The following EHMT1 variants were observed in gnomAD, a reference collection of about 807,000 sequenced individuals.
The protein encoded by EHMT1 is histone-lysine N-methyltransferase EHMT1.
EHMT1 carries 15 observed loss-of-function variants against 147.2 expected under a neutral mutation model. The ratio of observed to expected loss-of-function variants is 0.10; its 90% CI spans 0.07 to 0.16. EHMT1 has a LOEUF of 0.16. Among genes scored for constraint, EHMT1 ranks in the 10% least tolerant of loss-of-function variants. EHMT1 has a pLI of 1.00. For synonymous variants in EHMT1, 795 were observed against 709.6 expected, an observed-to-expected ratio of 1.12 and a Z score of -1.91; for missense variants, 1,587 against 1,772.4, an observed-to-expected ratio of 0.90 and a Z score of 1.88.
intron 1 of EHMT1, among the ~76,000 whole-genome samples, chr9:137,662,875 C>T (rs1006202744): frequency 1.6e-4 from 24 of 151,794 alleles, no homozygotes; most frequent in African/African-American, 5.3e-4. Flanking sequence ...CTCACTGCAG[C>T]CTCTGCCTCC....
chr9:137,671,045 C>T (rs1352748606), intron 1 of EHMT1, among the ~76,000 whole-genome samples: 1 of 152,172 alleles, frequency 6.6e-6, no homozygotes, highest in African/African-American at 2.4e-5. Context: ...AGAGGGCTGT[C>T]CCGGGCCGTG....
intron 2 of EHMT1, among the ~76,000 whole-genome samples, chr9:137,712,569 G>A (rs772231417): frequency 1.3e-5 from 2 of 152,166 alleles, no homozygotes. Context: ...GTGCTTACTG[G>A]CCATCTTTAG....
At chr9:137,745,411 A>G in intron 6 of EHMT1, 1 of 397,836 alleles carries the variant, frequency 2.5e-6, no homozygotes, top group Non-Finnish European at 4.4e-6. Context: ...TAGATATTTA[A>G]AGAGGATTTA....
chr9:137,773,058 G>A (rs1950695380), intron 10 of EHMT1, among the ~76,000 whole-genome samples: 1 of 152,146 alleles, frequency 6.6e-6, no homozygotes, highest in Non-Finnish European at 1.5e-5. Flanking sequence ...TAAAAATAAT[G>A]CATGCCGATT....
intron 1 of EHMT1, among the ~76,000 whole-genome samples, chr9:137,689,545 A>G (rs1942755523): frequency 6.6e-6 from 1 of 152,112 alleles, no homozygotes; most frequent in South Asian, 2.1e-4. Context: ...TCTACTAAAA[A>G]TACAAAAATT....
At chr9:137,792,800 C>T (rs1952624426) in intron 16 of EHMT1, among the ~76,000 whole-genome samples, 1 of 152,200 alleles carries the variant, frequency 6.6e-6, no homozygotes, top group Non-Finnish European at 1.5e-5. Flanking sequence ...AGCTTTATGA[C>T]ACTGGATTTG....
Position 137,800,900 on chromosome 9 carries a change from C to T in EHMT1, c.2628C>T (p.Pro876=), listed in dbSNP as rs746543655. Residue 876 remains proline, a synonymous_variant, in exon 18 of 27, where the codon CCC becomes CCT. Coordinates refer to ENST00000460843, the MANE Select transcript of EHMT1 (RefSeq NM_024757.5). ...VNCQDDGGWT[P]MIWATEYKHV... ...GGCAGGATGACGGAGGCTGGACACC[C>T]ATGATCTGGGCCACAGAGTACAAGC... 2.0e-5 allele frequency: 32 copies of T among 1,614,118 alleles called. 1 individual carries two copies. In the Admixed American group the frequency reaches 5.2e-4, roughly 26 times the overall value.
In EHMT1 at chr9:137,741,040, G is replaced by A. The variant is rs182092586; in HGVS notation, c.824-2331G>A. Among the ~76,000 whole-genome samples the A allele has an allele frequency of 3.1e-3, 473 of 151,358 alleles. 3 individuals carry two copies. Among genetic ancestry groups the A allele is most frequent in the African/African-American group, 0.011 (441 of 40,850 alleles). On this transcript the variant is annotated intron_variant, in intron 4 of 26. Coordinates refer to ENST00000460843, the MANE Select transcript of EHMT1 (RefSeq NM_024757.5). ...TGCCCAGGCTGGAGTGCAGTGGTGC[G>A]ATCCTGGCTCACTGCAAGCTCCGCC...
intron 1 of EHMT1, among the ~76,000 whole-genome samples, chr9:137,682,898 C>T (rs1433513947): frequency 2.6e-5 from 4 of 152,208 alleles, no homozygotes; most frequent in Non-Finnish European, 5.9e-5. Flanking sequence ...AGGTGCGCTG[C>T]CTGCAGGGGC....
chr9:137,824,833 C>T (rs1955696006), intron 25 of EHMT1, among the ~76,000 whole-genome samples: 1 of 152,050 alleles, frequency 6.6e-6, no homozygotes, highest in South Asian at 2.1e-4. Flanking sequence ...GTGCATTGAC[C>T]TTGTTAAATG....
intron 1 of EHMT1, among the ~76,000 whole-genome samples, chr9:137,645,173 T>C (rs1414902162): frequency 6.6e-6 from 1 of 152,242 alleles, no homozygotes; most frequent in African/African-American, 2.4e-5. Flanking sequence ...ACGGCCTGCT[T>C]ATTTAGCTGT....
intron 4 of EHMT1, among the ~76,000 whole-genome samples, chr9:137,735,492 A>G (rs555535696): frequency 6.6e-6 from 1 of 152,358 alleles, no homozygotes; most frequent in African/African-American, 2.4e-5. Flanking sequence ...GAGGGACGAA[A>G]AAAGCTATAA....
intron 1 of EHMT1, among the ~76,000 whole-genome samples, chr9:137,623,320 T>A (rs1294978477): frequency 1.3e-5 from 2 of 152,150 alleles, no homozygotes; most frequent in Non-Finnish European, 2.9e-5. Flanking sequence ...GCTCACTGTT[T>A]ATTCCCTCCT....
chr9:137,833,364 C>A (rs1358445310), intron 25 of EHMT1, among the ~76,000 whole-genome samples: 1 of 152,234 alleles, frequency 6.6e-6, no homozygotes, highest in East Asian at 1.9e-4. Context: ...TGGCGGCCAC[C>A]CACTCGGCCC....
intron 1 of EHMT1, chr9:137,664,796 C>T (rs138775027): frequency 6.6e-6 from 1 of 152,198 alleles, no homozygotes; most frequent in Non-Finnish European, 1.5e-5. Flanking sequence ...AATGACCACG[C>T]TCTGTTGCCT....
Position 137,768,699 on chromosome 9 carries a change from G to A in EHMT1, c.1647+5879G>A, listed in dbSNP as rs532500782. ...CAAGTAGCTGGGACTACAGGCGCCC[G>A]CCACTACGCCCGGCTAATTTTTTGT... On this transcript the variant is annotated intron_variant, in intron 10 of 26. Coordinates refer to ENST00000460843, the MANE Select transcript of EHMT1 (RefSeq NM_024757.5). 4.0e-4 allele frequency among the ~76,000 whole-genome samples: 60 copies of A among 150,948 alleles called. No homozygotes were observed. The South Asian group carries it at 0.011, about 29-fold the overall frequency.
At chr9:137,751,597 T>C (rs909905111) in intron 6 of EHMT1, among the ~76,000 whole-genome samples, 1 of 152,242 alleles carries the variant, frequency 6.6e-6, no homozygotes, top group Admixed American at 6.5e-5. Flanking sequence ...TATGTTTCAG[T>C]GTCTTTTGCA....
Position 137,835,034 on chromosome 9 carries a change from C to T in EHMT1, c.*81C>T. On this transcript the variant is annotated 3_prime_UTR_variant, in exon 27 of 27. Transcript: ENST00000460843. ...GAGGACGAGGAGGAGAGATTCCGCA[C>T]GCAACCGAAAGGGTCCTTCGGGGCT... 5 of 1,332,026 alleles carry T rather than the reference C, an allele frequency of 3.8e-6. No homozygotes were observed. The highest frequency in any genetic ancestry group is 4.8e-6 in the Non-Finnish European group (5 of 1,042,926). 82.5% of individuals were successfully genotyped at this position (1,332,026 alleles called of 1,614,324 possible).
intron 1 of EHMT1, among the ~76,000 whole-genome samples, chr9:137,622,723 G>A (rs913545677): frequency 6.6e-6 from 1 of 152,078 alleles, no homozygotes. Flanking sequence ...GGGCAACAGA[G>A]TGAGACCTTG....
Sources: allele counts gnomAD v4.1 joint callset (sites outside exome capture counted in the v4.1 genomes callset), GRCh38; gene constraint gnomAD v4.1.1; transcripts MANE v1.5; gene names NCBI Gene and HGNC (gene_info 2026-07-23, HGNC 2026-07-21).